Variants in UBAP2 observed in about 807,000 individuals in gnomAD.
UBAP2 encodes the protein ubiquitin associated protein 2.
In UBAP2, 75 loss-of-function variants were observed where a neutral mutation model predicts 139.6. That is an observed-to-expected ratio of 0.54 (90% confidence interval 0.45 to 0.65). The LOEUF (loss-of-function observed/expected upper bound fraction) is 0.65, where lower values mean the gene tolerates loss of function less well. UBAP2 is among the 30% of genes least tolerant of loss of function. The pLI is 0.00. For missense variants in UBAP2, 1,368 were observed against 1,369.6 expected, an observed-to-expected ratio of 1.00 and a Z score of 0.02; for synonymous variants, 526 against 526.2, an observed-to-expected ratio of 1.00 and a Z score of 0.01.
chr9:34,014,112 G>A (rs1824023270), intron 2 of UBAP2, among the ~76,000 whole-genome samples: 1 of 151,668 alleles, frequency 6.6e-6, no homozygotes, highest in South Asian at 2.1e-4. Flanking sequence ...ATCACTTGAG[G>A]TCAGGAGTTT....
chr9:33,922,409 AT>A lies in UBAP2; in HGVS notation c.*94del, dbSNP rs757509449. On this transcript the variant is annotated 3_prime_UTR_variant, in exon 29 of 29. Transcript: ENST00000379238. ...GAGGCATGGCTGACACATGTCGGGAATTCTAGGAAAGGGCACTGGGCTCCCA... is the reference window on the plus strand; with the variant it reads ...GAGGCATGGCTGACACATGTCGGGAATCTAGGAAAGGGCACTGGGCTCCCA... The A allele has an allele frequency of 1.2e-5, 15 of 1,253,498 alleles. No individual in the cohort carries two copies. The highest frequency in any genetic ancestry group is 1.6e-5 in the Non-Finnish European group (14 of 875,048). 77.6% of individuals were successfully genotyped at this position (1,253,498 alleles called of 1,614,324 possible).
In UBAP2 at chr9:33,922,755, G is replaced by A. The variant is rs1564012370; in HGVS notation, c.3196C>T (p.His1066Tyr). The change falls in exon 28 of 29, where the codon CAC becomes TAC. Residue 1066 changes from histidine to tyrosine, a missense_variant. By Grantham distance (83) the His-to-Tyr change is moderately conservative. Coordinates refer to ENST00000379238, the MANE Select transcript of UBAP2 (RefSeq NM_001370062.2). ...GGCTGCTGGTGGGCTGGCAAGATGTGTAGGAATGGTGGGGGTGCATAGCCA... is the reference window on the plus strand; with the variant it reads ...GGCTGCTGGTGGGCTGGCAAGATGTATAGGAATGGTGGGGGTGCATAGCCA... ...APGYAPPPFL[H>Y]ILPAHQQPHS... The A allele has an allele frequency of 6.4e-7, 1 of 1,559,624 alleles. No homozygotes were observed. The highest frequency in any genetic ancestry group is 1.9e-5 in the Admixed American group (1 of 52,628).
chr9:33,981,809 TGGAAGGGGGGAAGCGGGGAAGGAG>T (rs1820785801), intron 6 of UBAP2, among the ~76,000 whole-genome samples: 1 of 60,786 alleles, frequency 1.6e-5, no homozygotes, highest in South Asian at 6.9e-4. Flanking sequence ...GAAGGAAGGG[TGGAAGGGGGGAAGCGGGGAAGGAG>T]GGAAGGGGGG....
At chr9:33,949,021 G>T (rs1825873240) in intron 12 of UBAP2, 1 of 160,452 alleles carries the variant, frequency 6.2e-6, no homozygotes, top group African/African-American at 2.4e-5. Flanking sequence ...AAAAAAATTA[G>T]CCGGGAGTTT....
At chr9:34,010,427 T>TAAAAAAAAAAAAAA (rs57695373) in intron 2 of UBAP2, among the ~76,000 whole-genome samples, 1 of 108,342 alleles carries the variant, frequency 9.2e-6, no homozygotes, top group Non-Finnish European at 1.8e-5. Flanking sequence ...CTCTGCCTCA[T>TAAAAAAAAAAAAAA]AAAAAAAAAA....
Position 33,923,920 on chromosome 9 carries a change from AT to A in UBAP2, c.2670del (p.Gln890HisfsTer13). 6.2e-7 allele frequency: 1 copy of A among 1,614,144 alleles called. No homozygotes were observed. Among genetic ancestry groups the A allele is most frequent in the Non-Finnish European group, 8.5e-7 (1 of 1,180,018 alleles). ...TGCTGGGCTGTGTGGTGGGTCTGTGATTGGCTCTGCTGTGGCTGAGCTGGTG... is the reference window on the plus strand; with the variant it reads ...TGCTGGGCTGTGTGGTGGGTCTGTGATGGCTCTGCTGTGGCTGAGCTGGTG... ...ATTPAQPQQS[Q>X]SQTHHTAQQP... On this transcript the variant is annotated frameshift_variant, in exon 24 of 29. Coordinates refer to ENST00000379238, the MANE Select transcript of UBAP2 (RefSeq NM_001370062.2). LOFTEE classifies it high-confidence loss of function.
chr9:33,954,125 T>G (rs1826336391), intron 11 of UBAP2, among the ~76,000 whole-genome samples: 1 of 152,166 alleles, frequency 6.6e-6, no homozygotes, highest in East Asian at 1.9e-4. Context: ...CAGGCTGGTC[T>G]CAAACTCCTG....
chr9:33,966,587 G>C (rs1168856022), intron 8 of UBAP2, among the ~76,000 whole-genome samples: 1 of 152,132 alleles, frequency 6.6e-6, no homozygotes, highest in Admixed American at 6.5e-5. Flanking sequence ...TCTAATTCAT[G>C]AACACTGAAT....
At chr9:33,957,370 T>TC (rs1826658716) in intron 10 of UBAP2, among the ~76,000 whole-genome samples, 1 of 152,110 alleles carries the variant, frequency 6.6e-6, no homozygotes, top group African/African-American at 2.4e-5. Flanking sequence ...TATTCTTTAC[T>TC]CCCCCACAAT....
At chr9:33,974,890 CT>C (rs1828180836) in intron 6 of UBAP2, among the ~76,000 whole-genome samples, 1 of 120,048 alleles carries the variant, frequency 8.3e-6, no homozygotes, top group African/African-American at 3.2e-5. Flanking sequence ...CAGTTCCTAA[CT>C]TGCGTCACTG....
At chr9:34,014,183 C>T (rs532743905) in intron 2 of UBAP2, among the ~76,000 whole-genome samples, 2 of 151,608 alleles carry the variant, frequency 1.3e-5, no homozygotes, top group African/African-American at 2.4e-5. Flanking sequence ...AAAAGTTAGC[C>T]GGGCATGGTG....
At chr9:33,966,416 A>G (rs1330559260) in intron 8 of UBAP2, among the ~76,000 whole-genome samples, 1 of 152,118 alleles carries the variant, frequency 6.6e-6, no homozygotes, top group Non-Finnish European at 1.5e-5. Flanking sequence ...AGATCGCAAC[A>G]CTGCACTCCA....
intron 13 of UBAP2, 22 bp from the exon 14 acceptor site, chr9:33,944,661 TA>T (rs1387185311): frequency 6.2e-7 from 1 of 1,605,834 alleles, no homozygotes; most frequent in South Asian, 1.1e-5. Context: ...AAGCAGCAAT[TA>T]ATGAGGCATA....
chr9:33,932,606 T>C lies in UBAP2; in HGVS notation c.2131A>G (p.Ser711Gly), dbSNP rs1380447228. 1 of 1,614,114 alleles carries C rather than the reference T, an allele frequency of 6.2e-7. No individual in the cohort carries two copies. Among genetic ancestry groups the C allele is most frequent in the African/African-American group, 1.3e-5 (1 of 75,062 alleles). Reference sequence around the variant, plus strand: ...GAGAGGGCTGCATGTGCAGAGAGGCTGCTCTGGTGGCTGGAGAGCGAACTA... The same window carrying C: ...GAGAGGGCTGCATGTGCAGAGAGGCCGCTCTGGTGGCTGGAGAGCGAACTA... ...LSSSLSSHQS[S>G]LSAHAALSSS... Residue 711 changes from serine to glycine, a missense_variant, in exon 19 of 29, where the codon AGC (serine) becomes GGC (glycine). Coordinates refer to ENST00000379238, the MANE Select transcript of UBAP2 (RefSeq NM_001370062.2).
intron 24 of UBAP2, 107 bp from the exon 25 acceptor site, chr9:33,923,585 G>A (rs1016998946): frequency 1.7e-6 from 2 of 1,190,910 alleles, no homozygotes; most frequent in African/African-American, 1.5e-5. Context: ...CACAACCACA[G>A]GGGACCTGTG....
At chr9:34,004,156 C>T (rs186453978) in intron 2 of UBAP2, among the ~76,000 whole-genome samples, 4 of 152,286 alleles carry the variant, frequency 2.6e-5, no homozygotes, top group African/African-American at 9.6e-5. Context: ...ATATACTCAA[C>T]GAGCAGTAAA....
At chr9:34,039,687 C>T (rs1826860298) in intron 1 of UBAP2, among the ~76,000 whole-genome samples, 1 of 151,832 alleles carries the variant, frequency 6.6e-6, no homozygotes, top group Admixed American at 6.6e-5. Context: ...ATCTCAAGTA[C>T]CCAGGGACAC....
intron 4 of UBAP2, among the ~76,000 whole-genome samples, chr9:33,992,738 G>C (rs1235156557): frequency 1.3e-5 from 2 of 151,968 alleles, no homozygotes; most frequent in Admixed American, 6.6e-5. Flanking sequence ...AAAGATTACT[G>C]TGTATTTTGC....
At chr9:34,030,047 T>C (rs1825755721) in intron 1 of UBAP2, among the ~76,000 whole-genome samples, 2 of 150,880 alleles carry the variant, frequency 1.3e-5, no homozygotes, top group South Asian at 4.2e-4. Flanking sequence ...ACGCCTGTAA[T>C]CCCAACACTT....
Sources: allele counts gnomAD v4.1 joint callset (sites outside exome capture counted in the v4.1 genomes callset), GRCh38; gene constraint gnomAD v4.1.1; transcripts MANE v1.5; gene names NCBI Gene and HGNC (gene_info 2026-07-23, HGNC 2026-07-21).